Variants in TANGO6 observed in about 807,000 individuals in gnomAD.
TANGO6 encodes transport and Golgi organization protein 6 homolog.
A neutral mutation model predicts 114.2 loss-of-function variants in TANGO6; 90 were observed. That is an observed-to-expected ratio of 0.79 (90% CI 0.66 to 0.94). The LOEUF (loss-of-function observed/expected upper bound fraction) is 0.94, where lower values mean the gene tolerates loss of function less well. TANGO6 is among the 40% of genes least tolerant of loss of function. The probability of loss-of-function intolerance (pLI) is 0.00; values close to 1 mark genes in which losing one functional copy is unlikely to be tolerated. For missense variants in TANGO6, 1,274 were observed against 1,315.3 expected (o/e 0.97, Z 0.49); for synonymous variants, 477 against 509.8 (o/e 0.94, Z 0.87).
At chr16:69,020,927 T>TGTG (rs1406974649) in intron 15 of TANGO6, among the ~76,000 whole-genome samples, 2 of 149,902 alleles carry the variant, frequency 1.3e-5, no homozygotes, top group Non-Finnish European at 3.0e-5. Flanking sequence ...TGTGTGTGTG[T>TGTG]GTGTGTGTGT....
intron 15 of TANGO6, among the ~76,000 whole-genome samples, chr16:69,001,252 G>A (rs1047603519): frequency 3.9e-5 from 6 of 152,122 alleles, no homozygotes; most frequent in Non-Finnish European, 7.3e-5. Context: ...TGAATTAAAT[G>A]GCTCTAACGC....
Position 68,922,263 on chromosome 16 carries a change from C to T in TANGO6, c.2127+3044C>T, listed in dbSNP as rs141167846. On this transcript the variant is annotated intron_variant, in intron 12 of 17. Transcript: ENST00000261778. ...AAATTAAAAAAAAAAAAAGGCCGGG[C>T]GCGGTGGCTTATGCCTGTAATCCTA... Among the ~76,000 whole-genome samples, 788 of 151,292 alleles carry T rather than the reference C, an allele frequency of 5.2e-3. 4 individuals are homozygous for T. Among genetic ancestry groups the T allele is most frequent in the Non-Finnish European group, 7.5e-3 (509 of 67,850 alleles).
At chr16:68,890,248 A>G (rs1205075857) in intron 7 of TANGO6, among the ~76,000 whole-genome samples, 2 of 152,212 alleles carry the variant, frequency 1.3e-5, no homozygotes, top group Non-Finnish European at 1.5e-5. Context: ...AAATATTTCC[A>G]TTCACAATAG....
intron 14 of TANGO6, among the ~76,000 whole-genome samples, chr16:68,943,607 T>C (rs1166100576): frequency 3.3e-5 from 5 of 151,686 alleles, no homozygotes; most frequent in Non-Finnish European, 2.9e-5. Context: ...CCTCGTGATC[T>C]GCCCTCCTTG....
chr16:68,892,475 T>C (rs1324541168), intron 7 of TANGO6, among the ~76,000 whole-genome samples: 1 of 152,126 alleles, frequency 6.6e-6, no homozygotes, highest in Non-Finnish European at 1.5e-5. Context: ...CATGTTTGTA[T>C]TTGAAAAGCC....
At chr16:68,887,541 A>C (rs1043065333) in intron 7 of TANGO6, among the ~76,000 whole-genome samples, 3 of 152,206 alleles carry the variant, frequency 2.0e-5, no homozygotes, top group Non-Finnish European at 4.4e-5. Flanking sequence ...TGGTATGTCC[A>C]ATATACTTTG....
rs1362759193 is a variant in TANGO6 at position 69,083,766 on chromosome 16, G to T, written c.*105G>T. On this transcript the variant is annotated 3_prime_UTR_variant, in exon 18 of 18. Transcript: ENST00000261778. ...GCTGCCTCTTGAGTGCTGGCAGCAT[G>T]GCTGACCCTCGGGGTGGTTTTATGG... 1.5e-4 allele frequency: 200 copies of T among 1,322,276 alleles called. No individual in the cohort carries two copies. The highest frequency in any genetic ancestry group is 2.0e-4 in the Non-Finnish European group (196 of 980,260). 81.9% of individuals were successfully genotyped at this position (1,322,276 alleles called of 1,614,324 possible). A position where few individuals can be genotyped will look rare whatever the true frequency, so the allele number is the denominator to read the frequency against.
At chr16:68,997,187 G>A (rs937840272) in intron 15 of TANGO6, among the ~76,000 whole-genome samples, 6 of 152,170 alleles carry the variant, frequency 3.9e-5, no homozygotes, top group Admixed American at 2.0e-4. Context: ...CAGCCTAGGC[G>A]GCCATGAGGG....
At chr16:68,967,383 C>T (rs1369330787) in intron 14 of TANGO6, among the ~76,000 whole-genome samples, 1 of 152,152 alleles carries the variant, frequency 6.6e-6, no homozygotes, top group Non-Finnish European at 1.5e-5. Flanking sequence ...AGGCAGAGCT[C>T]AGGCAATAAT....
Position 68,862,995 on chromosome 16 carries a change from G to T in TANGO6, c.786G>T (p.Met262Ile). 6.2e-7 allele frequency: 1 copy of T among 1,601,228 alleles called. No homozygotes were observed. Among genetic ancestry groups the T allele is most frequent in the South Asian group, 1.1e-5 (1 of 88,130 alleles). Residue 262 changes from methionine (M) to isoleucine (I), a missense_variant, in exon 3 of 18, where the codon ATG becomes ATT. This residue lies in a region of TANGO6 where 908 missense variants were observed against 910.2 expected (regional missense o/e 1.00). Coordinates refer to ENST00000261778, the MANE Select transcript of TANGO6 (RefSeq NM_024562.2). ...TATCCAGGGGGGCCTTGAGAGACAT[G>T]CTGGATCAAGTCTATCAGCCCTTAG... is the stretch of plus-strand genomic sequence containing the variant. ...RTLSRGALRD[M>I]LDQVYQPLAV...
intron 15 of TANGO6, among the ~76,000 whole-genome samples, chr16:68,981,857 C>T (rs1057121694): frequency 6.6e-6 from 1 of 152,144 alleles, no homozygotes; most frequent in African/African-American, 2.4e-5. Flanking sequence ...GATGCTCAAC[C>T]AGTATATATT....
Position 69,016,690 on chromosome 16 carries a change from G to A in TANGO6, c.2843-6138G>A, listed in dbSNP as rs1008362209. Among the ~76,000 whole-genome samples the A allele has an allele frequency of 1.3e-5, 2 of 151,880 alleles. 1 individual carries two copies. Among genetic ancestry groups the A allele is most frequent in the African/African-American group, 4.8e-5 (2 of 41,364 alleles). On this transcript the variant is annotated intron_variant, in intron 15 of 17. Coordinates refer to ENST00000261778, the MANE Select transcript of TANGO6 (RefSeq NM_024562.2). ...TTATTTATTATTATTATTTTGAGAT[G>A]GAGTCTCTACCCAGGCTGGAGTGCA...
intron 17 of TANGO6, among the ~76,000 whole-genome samples, chr16:69,073,785 T>G (rs1029108166): frequency 2.0e-5 from 3 of 151,748 alleles, no homozygotes; most frequent in Admixed American, 6.6e-5. Flanking sequence ...TGAAACCCAG[T>G]CTCTACTAAA....
chr16:69,038,679 A>T (rs1449030673), intron 16 of TANGO6, among the ~76,000 whole-genome samples: 2 of 152,246 alleles, frequency 1.3e-5, no homozygotes, highest in Non-Finnish European at 2.9e-5. Context: ...TTTATGACAT[A>T]ATTAACTATA....
At chr16:68,920,372 A>C (rs1473211731) in intron 12 of TANGO6, among the ~76,000 whole-genome samples, 1 of 152,240 alleles carries the variant, frequency 6.6e-6, no homozygotes, top group Non-Finnish European at 1.5e-5. Context: ...TAGAAGCAGC[A>C]AAGAGCTTGG....
chr16:68,943,612 T>A (rs973774051), intron 14 of TANGO6, among the ~76,000 whole-genome samples: 3 of 151,514 alleles, frequency 2.0e-5, no homozygotes, highest in African/African-American at 4.9e-5. Context: ...TGATCTGCCC[T>A]CCTTGGCCTC....
At chr16:69,073,677 C>T (rs1046967326) in intron 17 of TANGO6, among the ~76,000 whole-genome samples, 34 of 152,294 alleles carry the variant, frequency 2.2e-4, no homozygotes, top group African/African-American at 8.2e-4. Flanking sequence ...GCACTCGAAG[C>T]CAGGCCTGGT....
chr16:69,067,893 C>T (rs568590218), intron 17 of TANGO6, among the ~76,000 whole-genome samples: 55 of 147,372 alleles, frequency 3.7e-4, no homozygotes, highest in African/African-American at 9.3e-4. Flanking sequence ...GCCAAGATTG[C>T]ACCACTGCAC....
intron 15 of TANGO6, among the ~76,000 whole-genome samples, chr16:68,990,620 T>A (rs1362624633): frequency 6.6e-6 from 1 of 151,888 alleles, no homozygotes; most frequent in East Asian, 2.0e-4. Context: ...TTGCCCAGGC[T>A]GATCTCAAAC....
Sources: allele counts gnomAD v4.1 joint callset (sites outside exome capture counted in the v4.1 genomes callset), GRCh38; gene constraint gnomAD v4.1.1; regional missense constraint gnomAD v4.1.1; transcripts MANE v1.5; gene names NCBI Gene and HGNC (gene_info 2026-07-23, HGNC 2026-07-21).